The following EDNRA variants were observed in gnomAD, a reference collection of about 807,000 sequenced individuals.
EDNRA encodes endothelin receptor type A.
In EDNRA, 11 loss-of-function variants were observed where a neutral mutation model predicts 41.4. The ratio of observed to expected loss-of-function variants is 0.27; its 90% CI spans 0.17 to 0.44. The LOEUF is 0.44. Ranked by LOEUF, EDNRA falls within the 20% of genes least tolerant of loss-of-function variation. The probability of loss-of-function intolerance (pLI) is 1.00; values close to 1 mark genes in which losing one functional copy is unlikely to be tolerated. For synonymous variants in EDNRA, 172 were observed against 183.0 expected (o/e 0.94, Z 0.49); for missense variants, 294 against 531.0 (o/e 0.55, Z 4.39).
At chr4:147,498,758 A>G (rs1433328133) in intron 2 of EDNRA, among the ~76,000 whole-genome samples, 2 of 152,172 alleles carry the variant, frequency 1.3e-5, no homozygotes, top group African/African-American at 4.8e-5. Context: ...AGAAATGTGA[A>G]TAAGGCTTCA....
chr4:147,508,709 A>G (rs1028523951), intron 2 of EDNRA, among the ~76,000 whole-genome samples: 1 of 152,236 alleles, frequency 6.6e-6, no homozygotes, highest in Non-Finnish European at 1.5e-5. Context: ...TTCTTTGAAG[A>G]CTATTCTCAT....
intron 2 of EDNRA, among the ~76,000 whole-genome samples, chr4:147,497,149 CTTTTTTTTTTTT>C (rs11330586): frequency 5.3e-5 from 4 of 75,030 alleles, no homozygotes; most frequent in Non-Finnish European, 7.8e-5. Flanking sequence ...TAGAATTCTT[CTTTTTTTTTTTT>C]TTTTTTTTTT....
chr4:147,521,623 T>A (rs1222022219), intron 3 of EDNRA, among the ~76,000 whole-genome samples: 1 of 152,220 alleles, frequency 6.6e-6, no homozygotes, highest in African/African-American at 2.4e-5. Context: ...TGTTATATTA[T>A]CTAAAAATTA....
chr4:147,520,197 A>G (rs1730271904), intron 3 of EDNRA, among the ~76,000 whole-genome samples: 1 of 152,206 alleles, frequency 6.6e-6, no homozygotes, highest in South Asian at 2.1e-4. Flanking sequence ...AGAGCATTTT[A>G]TCAAGAATAC....
intron 1 of EDNRA, 59 bp from the exon 2 acceptor site, chr4:147,485,553 A>C: frequency 1.0e-6 from 1 of 962,566 alleles, no homozygotes; most frequent in Middle Eastern, 2.6e-4. Flanking sequence ...ATAATCATTG[A>C]CTATGATCTT....
At chr4:147,506,009 C>T in intron 2 of EDNRA, 1 of 393,166 alleles carries the variant, frequency 2.5e-6, no homozygotes, top group Non-Finnish European at 4.9e-6. Flanking sequence ...CACTCTTGAG[C>T]ATGTATCCCA....
intron 2 of EDNRA, among the ~76,000 whole-genome samples, chr4:147,503,031 T>A (rs1035268521): frequency 2.0e-5 from 3 of 152,158 alleles, no homozygotes; most frequent in Non-Finnish European, 4.4e-5. Flanking sequence ...GTAAATAAAA[T>A]AATATTTTTA....
intron 2 of EDNRA, among the ~76,000 whole-genome samples, chr4:147,510,778 A>G (rs955491694): frequency 3.3e-5 from 5 of 152,170 alleles, no homozygotes; most frequent in African/African-American, 1.2e-4. Flanking sequence ...TTTTAGGTAG[A>G]AAAAAAGGGA....
At chr4:147,530,946 G>A (rs547909478) in intron 3 of EDNRA, among the ~76,000 whole-genome samples, 41 of 152,024 alleles carry the variant, frequency 2.7e-4, no homozygotes, top group African/African-American at 9.7e-4. Flanking sequence ...TTTCCATTAC[G>A]GCAGCAACAA....
intron 3 of EDNRA, among the ~76,000 whole-genome samples, chr4:147,528,356 T>G (rs1481914075): frequency 2.2e-5 from 3 of 135,344 alleles, no homozygotes; most frequent in Non-Finnish European, 4.6e-5. Flanking sequence ...TTTCTTGCTT[T>G]CTTTTTTTTT....
chr4:147,536,159 T>A lies in EDNRA; in HGVS notation c.900+130T>A, dbSNP rs77350840. 113 of 1,128,850 alleles carry A rather than the reference T, an allele frequency of 1.0e-4. No individual in the cohort carries two copies. The East Asian group carries it at 2.5e-3, about 25-fold the overall frequency. 69.9% of individuals were successfully genotyped at this position (1,128,850 alleles called of 1,614,324 possible). On this transcript the variant is annotated intron_variant, in intron 5 of 7. Coordinates refer to ENST00000651419, the MANE Select transcript of EDNRA (RefSeq NM_001957.4). ...TAAAAATACTATCCTGTAACTGTTT[T>A]CTTTATAGTAATAGTGTTAGAAATT...
In EDNRA at chr4:147,519,575, A is replaced by T. The variant is rs1730241603; in HGVS notation, c.421-276A>T. The stretch of plus-strand genomic sequence containing the variant: ...TATATGTATTATATTAATACACTAT[A>T]TTGATTTTTATGTATTAAATATATA... On this transcript the variant is annotated intron_variant, in intron 2 of 7. Transcript: ENST00000651419. This position sits in a 1 kb window ranked among gnomAD's most constrained non-coding sequence, Gnocchi z 4.1. 6.7e-6 allele frequency among the ~76,000 whole-genome samples: 1 copy of T among 149,296 alleles called. No individual in the cohort carries two copies. Among genetic ancestry groups the T allele is most frequent in the Non-Finnish European group, 1.5e-5 (1 of 67,464 alleles).
intron 2 of EDNRA, among the ~76,000 whole-genome samples, chr4:147,513,828 C>T (rs10305896): frequency 0.021 from 3,160 of 152,222 alleles, 92 homozygotes; most frequent in African/African-American, 0.072. Flanking sequence ...AAGAACCCTT[C>T]GGCCTCACAG....
chr4:147,519,931 C>T lies in EDNRA; in HGVS notation c.501C>T (p.Ser167=). 1.2e-6 allele frequency: 2 copies of T among 1,613,280 alleles called. No individual in the cohort carries two copies. Among genetic ancestry groups the T allele is most frequent in the South Asian group, 1.1e-5 (1 of 90,998 alleles). ...AGCTGTTCCCCTTTTTGCAGAAGTC[C>T]TCGGTGGGGATCACCGTCCTCAACC... ...LCKLFPFLQK[S]SVGITVLNLC... The change falls in exon 3 of 8, where the codon TCC becomes TCT. Residue 167 remains serine, a synonymous_variant. Transcript: ENST00000651419. The surrounding 1 kb of genome is among the most constrained non-coding windows in gnomAD (Gnocchi z 4.1).
intron 3 of EDNRA, among the ~76,000 whole-genome samples, chr4:147,531,027 G>T (rs1730720651): frequency 6.6e-6 from 1 of 152,100 alleles, no homozygotes; most frequent in Non-Finnish European, 1.5e-5. Flanking sequence ...AAGTCTAAAA[G>T]CAGTTAGCAT....
At chr4:147,510,634 C>T (rs1182412625) in intron 2 of EDNRA, among the ~76,000 whole-genome samples, 1 of 152,084 alleles carries the variant, frequency 6.6e-6, no homozygotes, top group Non-Finnish European at 1.5e-5. Flanking sequence ...ATGCTTACAG[C>T]TCACTGGGCA....
chr4:147,533,666 G>A (rs1440244752), intron 4 of EDNRA, among the ~76,000 whole-genome samples: 1 of 152,160 alleles, frequency 6.6e-6, no homozygotes, highest in African/African-American at 2.4e-5. Context: ...TTCTTACTGG[G>A]TTAGTCTTCA....
intron 2 of EDNRA, among the ~76,000 whole-genome samples, chr4:147,517,626 C>G (rs62345673): frequency 1.3e-5 from 2 of 152,284 alleles, no homozygotes; most frequent in South Asian, 4.1e-4. Flanking sequence ...TCCCCTTTAT[C>G]TATAATTCCC....
At chr4:147,512,316 A>C (rs957889550) in intron 2 of EDNRA, among the ~76,000 whole-genome samples, 1 of 152,154 alleles carries the variant, frequency 6.6e-6, no homozygotes, top group African/African-American at 2.4e-5. Flanking sequence ...CAAAGGAAAA[A>C]ATCTTCATGG....
Sources: allele counts gnomAD v4.1 joint callset (sites outside exome capture counted in the v4.1 genomes callset), GRCh38; gene constraint gnomAD v4.1.1; non-coding constraint Gnocchi (gnomAD v3.1); transcripts MANE v1.5; gene names NCBI Gene and HGNC (gene_info 2026-07-23, HGNC 2026-07-21).